The following MADD variants were observed in gnomAD, a reference collection of about 807,000 sequenced individuals.
MADD encodes the protein MAP kinase activating death domain.
A neutral mutation model predicts 176.7 loss-of-function variants in MADD; 109 were observed. That is an observed-to-expected ratio of 0.62 (90% CI 0.53 to 0.72). The LOEUF (loss-of-function observed/expected upper bound fraction) is 0.72, where lower values mean the gene tolerates loss of function less well. Ranked by LOEUF, MADD falls within the 30% of genes least tolerant of loss-of-function variation. The probability of loss-of-function intolerance (pLI) is 0.00; values close to 1 mark genes in which losing one functional copy is unlikely to be tolerated. For missense variants in MADD, 1,914 were observed against 2,045.5 expected (o/e 0.94, Z 1.24); for synonymous variants, 771 against 771.3 (o/e 1.00, Z 0.01).
At chr11:47,275,951 A>C in exon 4 of MADD, 4 of 1,614,010 alleles carry the variant, frequency 2.5e-6, no homozygotes, top group Non-Finnish European at 3.4e-6. Flanking sequence ...GGAGAAGTCA[A>C]GTGCCCTTCT....
chr11:47,299,034 G>C (rs1334462579), intron 22 of MADD, among the ~76,000 whole-genome samples: 1 of 152,122 alleles, frequency 6.6e-6, no homozygotes, highest in Non-Finnish European at 1.5e-5. Context: ...TGTTCCATTG[G>C]TCTATGGGTC....
At position 47,282,361 on chromosome 11, in the gene MADD, C is replaced by T. The variant is rs751907590; in HGVS notation, c.1470-20C>T. 2.6e-5 allele frequency: 42 copies of T among 1,599,208 alleles called. 2 individuals are homozygous for T. The South Asian group carries it at 3.4e-4, about 13-fold the overall frequency. ...CCTTACCCTATGGGTCTCAGATTAT[C>T]TCATCATCTGCTTCCCCAGGGTTGC... On this transcript the variant is annotated intron_variant, in intron 8 of 32. Transcript: ENST00000402192.
chr11:47,278,867 C>T, intron 6 of MADD, 132 bp from the exon 7 acceptor site: 5 of 649,352 alleles, frequency 7.7e-6, no homozygotes, highest in Middle Eastern at 3.7e-4. Context: ...ATATATCTTA[C>T]TGTGCAGTTA....
At chr11:47,279,133 A>T in intron 7 of MADD, 54 bp downstream of exon 7, 2 of 1,525,304 alleles carry the variant, frequency 1.3e-6, no homozygotes, top group Non-Finnish European at 1.8e-6. Context: ...TGGGATTCCT[A>T]TAAGAAGACA....
chr11:47,289,232 A>G (rs1345626154), intron 15 of MADD, among the ~76,000 whole-genome samples, 159 bp from the exon 17 acceptor site: 2 of 151,918 alleles, frequency 1.3e-5, no homozygotes, highest in African/African-American at 2.4e-5. Flanking sequence ...CCTCCTCCAC[A>G]TTGCCATGGC....
intron 30 of MADD, 34 bp downstream of exon 34, chr11:47,326,586 C>T (rs761653472): frequency 6.7e-5 from 95 of 1,427,412 alleles, no homozygotes; most frequent in Middle Eastern, 2.5e-4. Context: ...CGCTTCTTAG[C>T]GCTTTTGAGT....
intron 25 of MADD, 122 bp from the exon 29 acceptor site, chr11:47,311,610 T>C (rs2089314462): frequency 1.5e-6 from 1 of 668,088 alleles, no homozygotes; most frequent in Non-Finnish European, 2.7e-6. Context: ...TGTTCAGTGA[T>C]GTGGTCTTTC....
chr11:47,276,301 C>G, intron 4 of MADD, 99 bp downstream of exon 4: 1 of 1,239,888 alleles, frequency 8.1e-7, no homozygotes. Context: ...ACATATTTTT[C>G]ACCTTTTTGT....
intron 22 of MADD, among the ~76,000 whole-genome samples, chr11:47,300,388 G>A (rs1486526259): frequency 2.0e-5 from 3 of 151,538 alleles, no homozygotes; most frequent in Admixed American, 1.3e-4. Flanking sequence ...TGTATTTTCA[G>A]TAGAGACAGG....
intron 7 of MADD, among the ~76,000 whole-genome samples, chr11:47,281,230 T>C (rs2056383098): frequency 6.6e-6 from 1 of 152,208 alleles, no homozygotes; most frequent in South Asian, 2.1e-4. Flanking sequence ...TAATTTCACA[T>C]AGATTCCAAT....
rs138834389 is a variant in MADD, at chr11:47,283,604, C to G, written c.1863-574C>G. Among the ~76,000 whole-genome samples, 921 of 152,216 alleles carry G rather than the reference C, an allele frequency of 6.1e-3. 9 individuals carry two copies. The highest frequency in any genetic ancestry group is 0.021 in the African/African-American group (878 of 41,512). On this transcript the variant is annotated intron_variant, in intron 10 of 32. Transcript: ENST00000402192. The stretch of plus-strand genomic sequence containing the variant: ...ATATATTTTTTGAGATGGAGTCTTG[C>G]TCTGTCGCCCAGGCTAGAGCGCAGT...
chr11:47,289,362 G>A (rs1416911091), intron 15 of MADD, 29 bp from the exon 17 acceptor site: 3 of 1,552,868 alleles, frequency 1.9e-6, no homozygotes, highest in Admixed American at 3.3e-5. Context: ...CAATAGTGAT[G>A]TCTCTCATTC....
chr11:47,277,186 T>C (rs549328337), intron 5 of MADD, among the ~76,000 whole-genome samples: 1 of 152,368 alleles, frequency 6.6e-6, no homozygotes, highest in African/African-American at 2.4e-5. Flanking sequence ...CCACAGATAG[T>C]TCCAAACTCT....
intron 23 of MADD, 94 bp from the exon 27 acceptor site, chr11:47,309,187 T>C (rs1387265260): frequency 1.3e-6 from 2 of 1,559,230 alleles, no homozygotes; most frequent in African/African-American, 1.4e-5. Context: ...TTTGTAATTA[T>C]TCCCTTTTAT....
intron 22 of MADD, among the ~76,000 whole-genome samples, chr11:47,299,585 CTTTTTTTTTTTTTTT>C (rs1185948034): frequency 2.4e-5 from 1 of 41,518 alleles, no homozygotes; most frequent in African/African-American, 1.1e-4. Flanking sequence ...GATTTTAGGG[CTTTTTTTTTTTTTTT>C]TTTTTTTTTT....
At chr11:47,309,126 G>T (rs762718098) in intron 23 of MADD, 84 bp downstream of exon 26, 5 of 1,558,258 alleles carry the variant, frequency 3.2e-6, no homozygotes, top group Non-Finnish European at 4.4e-6. Context: ...GGGGCTGGTG[G>T]CAGGCATGTT....
At chr11:47,292,304 GTTTT>G (rs1205531517) in intron 19 of MADD, among the ~76,000 whole-genome samples, 1 of 152,152 alleles carries the variant, frequency 6.6e-6, no homozygotes, top group East Asian at 1.9e-4. Context: ...ATTCTGCAGG[GTTTT>G]TACTGCCACA....
chr11:47,292,812 C>T (rs991700946), intron 19 of MADD, among the ~76,000 whole-genome samples: 5 of 152,104 alleles, frequency 3.3e-5, no homozygotes, highest in African/African-American at 9.7e-5. Flanking sequence ...CAGGTGTCTA[C>T]TGAATACAAC....
intron 21 of MADD, 110 bp from the exon 24 acceptor site, chr11:47,295,787 C>A (rs189427311): frequency 8.3e-5 from 127 of 1,524,890 alleles, no homozygotes; most frequent in Admixed American, 2.6e-4. Context: ...GGCTATCTGA[C>A]ACACTTTTGA....
Sources: gnomAD v4.1 joint callset for allele counts (sites outside exome capture counted in the v4.1 genomes callset) on GRCh38, gnomAD v4.1.1 for gene constraint, MANE v1.5 for transcripts, NCBI Gene and HGNC (gene_info 2026-07-23, HGNC 2026-07-21) for gene names.